The following FNDC3B variants were observed in gnomAD, a reference collection of about 807,000 sequenced individuals.
FNDC3B encodes the protein fibronectin type III domain-containing protein 3B.
A neutral mutation model predicts 151.5 loss-of-function variants in FNDC3B; 12 were observed. That is an observed-to-expected ratio of 0.08 (90% CI 0.05 to 0.13). FNDC3B has a LOEUF of 0.13. FNDC3B is among the 10% of genes least tolerant of loss of function. The probability of loss-of-function intolerance (pLI) is 1.00; values close to 1 mark genes in which losing one functional copy is unlikely to be tolerated. For missense variants in FNDC3B, 1,214 were observed against 1,505.3 expected (o/e 0.81, Z 3.20); for synonymous variants, 528 against 549.0 (o/e 0.96, Z 0.54).
chr3:172,147,980 T>A (rs1387349212), intron 3 of FNDC3B, among the ~76,000 whole-genome samples: 1 of 152,004 alleles, frequency 6.6e-6, no homozygotes, highest in Non-Finnish European at 1.5e-5. Flanking sequence ...TTTTGAAAAA[T>A]TTTTCCTCCC....
rs145337459 is a variant in FNDC3B, at chr3:172,346,391, C to G, written c.2315C>G (p.Ala772Gly). Reference sequence around the variant, plus strand: ...GCAGGGCCTCCTGGACAATGCAAAGCACCTTGTATTTCTTGTACACCTGAT... The same window carrying G: ...GCAGGGCCTCCTGGACAATGCAAAGGACCTTGTATTTCTTGTACACCTGAT... ...TAAGPPGQCK[A>G]PCISCTPDGC... The change falls in exon 20 of 26, where the codon GCA (alanine) becomes GGA (glycine). Residue 772 changes from alanine to glycine, a missense_variant. Ala to Gly is a moderately conservative substitution (Grantham distance 60, BLOSUM62 0). Around this residue, in one of 7 missense-constraint regions of FNDC3B, gnomAD observed 380 missense variants for 420.9 expected, o/e 0.90. Transcript: ENST00000415807. 1,546 of 1,613,712 alleles carry G rather than the reference C, an allele frequency of 9.6e-4. 2 individuals carry two copies. The highest frequency in any genetic ancestry group is 1.8e-3 in the Admixed American group (109 of 59,982).
intron 6 of FNDC3B, among the ~76,000 whole-genome samples, chr3:172,281,392 G>T (rs1165813447): frequency 6.6e-6 from 1 of 152,102 alleles, no homozygotes; most frequent in Non-Finnish European, 1.5e-5. Context: ...TTGCAGGTGT[G>T]CGCCACCACG....
intron 2 of FNDC3B, among the ~76,000 whole-genome samples, chr3:172,119,867 A>T (rs1720448655): frequency 6.6e-6 from 1 of 152,202 alleles, no homozygotes; most frequent in Non-Finnish European, 1.5e-5. Flanking sequence ...ACCCCCCACA[A>T]CCAGATCCAC....
chr3:172,308,877 G>A (rs1304438957), intron 10 of FNDC3B, among the ~76,000 whole-genome samples: 1 of 152,016 alleles, frequency 6.6e-6, no homozygotes, highest in Non-Finnish European at 1.5e-5. Context: ...ATCTTTGTAA[G>A]GAAAGAATTA....
chr3:172,284,564 T>C (rs756389350), intron 6 of FNDC3B, among the ~76,000 whole-genome samples: 6 of 151,820 alleles, frequency 4.0e-5, no homozygotes, highest in Non-Finnish European at 1.5e-5. Context: ...TTTGAAAAGA[T>C]GAATTTAAGA....
chr3:172,233,051 C>T (rs911929492), intron 4 of FNDC3B, among the ~76,000 whole-genome samples: 2 of 152,132 alleles, frequency 1.3e-5, no homozygotes, highest in Non-Finnish European at 1.5e-5. Flanking sequence ...GGCCATGGCT[C>T]TCTGTTTTTT....
chr3:172,338,171 G>A (rs1733086428), intron 16 of FNDC3B: 2 of 152,068 alleles, frequency 1.3e-5, no homozygotes. Context: ...AAAATTAGCT[G>A]GGTGTGGTGG....
chr3:172,231,801 G>A (rs182850505), intron 4 of FNDC3B, among the ~76,000 whole-genome samples: 33 of 151,960 alleles, frequency 2.2e-4, no homozygotes, highest in African/African-American at 6.5e-4. Context: ...GTGTGAGTGT[G>A]GGTGTGTGTT....
intron 3 of FNDC3B, among the ~76,000 whole-genome samples, chr3:172,209,884 A>G (rs1725640870): frequency 1.3e-5 from 2 of 152,218 alleles, no homozygotes; most frequent in African/African-American, 2.4e-5. Flanking sequence ...TTGGTGCCCA[A>G]CGTCTGGAGG....
intron 3 of FNDC3B, among the ~76,000 whole-genome samples, chr3:172,156,585 T>C (rs140056450): frequency 2.0e-5 from 3 of 152,230 alleles, no homozygotes; most frequent in African/African-American, 7.2e-5. Flanking sequence ...GTCAAGTTGC[T>C]AGCCAAGATC....
intron 16 of FNDC3B, among the ~76,000 whole-genome samples, chr3:172,340,124 C>A (rs879295444): frequency 6.6e-6 from 1 of 152,176 alleles, no homozygotes; most frequent in Non-Finnish European, 1.5e-5. Flanking sequence ...GTCAGGCAGG[C>A]GGCTGAGGCA....
intron 22 of FNDC3B, among the ~76,000 whole-genome samples, chr3:172,356,045 T>G (rs556612510): frequency 6.6e-6 from 1 of 152,326 alleles, no homozygotes; most frequent in Admixed American, 6.5e-5. Context: ...TTGTTTGTTT[T>G]GCTCATTTGT....
At chr3:172,064,494 T>C (rs1576829949) in intron 1 of FNDC3B, among the ~76,000 whole-genome samples, 2 of 152,244 alleles carry the variant, frequency 1.3e-5, no homozygotes, top group East Asian at 3.8e-4. Context: ...AAACTCTTTT[T>C]AACTTGTCTT....
At chr3:172,368,105 A>G (rs919096255) in intron 23 of FNDC3B, among the ~76,000 whole-genome samples, 10 of 152,040 alleles carry the variant, frequency 6.6e-5, no homozygotes, top group Non-Finnish European at 1.5e-5. Flanking sequence ...CCCTTTCTCT[A>G]AAACAATTTT....
intron 3 of FNDC3B, among the ~76,000 whole-genome samples, chr3:172,209,299 C>T (rs996917028): frequency 3.7e-4 from 56 of 152,104 alleles, no homozygotes; most frequent in Non-Finnish European, 6.2e-4. Flanking sequence ...TAGCTGCCGC[C>T]CACAGCTGGG....
intron 3 of FNDC3B, among the ~76,000 whole-genome samples, chr3:172,178,520 T>C (rs1237130554): frequency 6.6e-6 from 1 of 152,218 alleles, no homozygotes; most frequent in African/African-American, 2.4e-5. Context: ...TCTTTCCATA[T>C]TGTAAGACAC....
intron 6 of FNDC3B, among the ~76,000 whole-genome samples, chr3:172,253,786 C>CT (rs941676176): frequency 3.1e-4 from 46 of 146,642 alleles, no homozygotes; most frequent in South Asian, 8.6e-4. Flanking sequence ...AATCTTTTTA[C>CT]TTTTTTTTTT....
intron 6 of FNDC3B, among the ~76,000 whole-genome samples, chr3:172,263,585 T>A (rs948052260): frequency 3.7e-4 from 36 of 98,344 alleles, no homozygotes; most frequent in African/African-American, 1.4e-3. Context: ...AGCTATCAAG[T>A]GTTTTTTTTT....
chr3:172,317,458 A>C (rs780597489), intron 11 of FNDC3B, among the ~76,000 whole-genome samples: 26 of 152,192 alleles, frequency 1.7e-4, no homozygotes, highest in Non-Finnish European at 3.4e-4. Flanking sequence ...TGCTGGGATT[A>C]CAGGCGTGAG....
Sources: allele counts gnomAD v4.1 joint callset (sites outside exome capture counted in the v4.1 genomes callset), GRCh38; gene constraint gnomAD v4.1.1; regional missense constraint gnomAD v4.1.1; transcripts MANE v1.5; gene names NCBI Gene and HGNC (gene_info 2026-07-23, HGNC 2026-07-21).